Variants in RNF19B observed in about 807,000 individuals in gnomAD.
The protein encoded by RNF19B is ring finger protein 19B.
Under a neutral mutation model 65.5 loss-of-function variants are expected in RNF19B, and 23 were observed. The ratio of observed to expected loss-of-function variants is 0.35; its 90% CI spans 0.25 to 0.50. The LOEUF is 0.50. Among genes scored for constraint, RNF19B ranks in the 20% least tolerant of loss-of-function variants. RNF19B has a pLI of 0.98. For missense variants in RNF19B, 794 were observed against 980.0 expected (o/e 0.81, Z 2.53); for synonymous variants, 372 against 379.6 (o/e 0.98, Z 0.23).
At chr1:32,931,706 T>C (rs965966230), downstream of RNF19B, among the ~76,000 whole-genome samples, 12 of 152,248 alleles carry the variant, frequency 7.9e-5, no homozygotes, top group Admixed American at 3.9e-4. Flanking sequence ...GTCTCTCCCA[T>C]ACTATGCCTT....
At chr1:32,939,670 T>C (rs1263834082) in intron 7 of RNF19B, among the ~76,000 whole-genome samples, 3 of 152,204 alleles carry the variant, frequency 2.0e-5, no homozygotes, top group Non-Finnish European at 2.9e-5. Context: ...CAGCAAACTT[T>C]CCCAATAGTG....
intron 1 of RNF19B, among the ~76,000 whole-genome samples, chr1:32,963,405 C>A (rs988905437): frequency 6.6e-6 from 1 of 152,118 alleles, no homozygotes; most frequent in East Asian, 1.9e-4. Flanking sequence ...ATCCCCTCCC[C>A]ACTCTCATTA....
chr1:32,947,980 G>T (rs139209582), intron 3 of RNF19B, among the ~76,000 whole-genome samples: 71 of 152,214 alleles, frequency 4.7e-4, no homozygotes, highest in African/African-American at 1.7e-3. Context: ...ACATGAACAA[G>T]TATGGAGGCA....
chr1:32,964,333 T>A lies in RNF19B; in HGVS notation c.353A>T (p.Glu118Val). 1 of 1,455,782 alleles carries A rather than the reference T, an allele frequency of 6.9e-7. No homozygotes were observed. Among genetic ancestry groups the A allele is most frequent in the Non-Finnish European group, 9.0e-7 (1 of 1,108,890 alleles). 90.2% of individuals were successfully genotyped at this position (1,455,782 alleles called of 1,614,324 possible). A position where few individuals can be genotyped will look rare whatever the true frequency, so the allele number is the denominator to read the frequency against. Residue 118 changes from glutamate (E) to valine (V), a missense_variant, in exon 1 of 9, where the codon GAG (glutamate) becomes GTG (valine). Physicochemically the swap from Glu to Val is moderately radical, Grantham distance 121. Around this residue, in one of 3 missense-constraint regions of RNF19B, gnomAD observed 374 missense variants for 423.8 expected, o/e 0.88. Coordinates refer to ENST00000235150, the MANE Select transcript of RNF19B (RefSeq NM_001300826.2). The surrounding 1 kb of genome is among the most constrained non-coding windows in gnomAD (Gnocchi z 6.5). The part of the protein sequence containing the change: ...EGGGPGAEEV[E>V]CPLCLVRLPP... ...CAGCCGCACCAGGCACAGCGGACAC[T>A]CCACCTCCTCCGCGCCCGGGCCACC...
rs776336557 is a variant in RNF19B, at chr1:32,936,972, G to A, written c.2030C>T (p.Pro677Leu). The A allele has an allele frequency of 3.1e-6, 5 of 1,614,120 alleles. No homozygotes were observed. In the South Asian group the frequency reaches 5.5e-5, roughly 18 times the overall value. The part of the protein sequence containing the change: ...ESSDAQSDDV[P>L]DITSDECGSP... Reference sequence around the variant, plus strand: ...GCCACACTCATCTGAGGTGATGTCTGGCACATCGTCTGACTGTGCATCAGA... The same window carrying A: ...GCCACACTCATCTGAGGTGATGTCTAGCACATCGTCTGACTGTGCATCAGA... The change falls in exon 9 of 9, where the codon CCA becomes CTA. Residue 677 changes from proline to leucine, a missense_variant. This residue lies in a region of RNF19B where 368 missense variants were observed against 447.3 expected (regional missense o/e 0.82). Transcript: ENST00000235150.
chr1:32,946,030 AT>A (rs1192672355), intron 4 of RNF19B, among the ~76,000 whole-genome samples: 1 of 151,844 alleles, frequency 6.6e-6, no homozygotes, highest in Non-Finnish European at 1.5e-5. Flanking sequence ...TACCCAGCTA[AT>A]TTTTCTATTT....
chr1:32,940,395 T>C lies in RNF19B; in HGVS notation c.1610+1857A>G, dbSNP rs139977077. 5.0e-3 allele frequency among the ~76,000 whole-genome samples: 763 copies of C among 152,176 alleles called. 2 individuals carry two copies. The highest frequency in any genetic ancestry group is 5.8e-3 in the Non-Finnish European group (394 of 67,996). Reference sequence around the variant, plus strand: ...GATTGACAGGCACTCAGGTGGGAGATCCAGTCCACCTGCCATCTGTTGCTT... The same window carrying C: ...GATTGACAGGCACTCAGGTGGGAGACCCAGTCCACCTGCCATCTGTTGCTT... On this transcript the variant is annotated intron_variant, in intron 7 of 8. Transcript: ENST00000235150.
chr1:32,963,393 A>T (rs1305778786), intron 1 of RNF19B, among the ~76,000 whole-genome samples: 5 of 151,832 alleles, frequency 3.3e-5, no homozygotes, highest in African/African-American at 4.8e-5. Flanking sequence ...CCTTGGCCAA[A>T]TATCCCCTCC....
chr1:32,935,876 T>G (rs1030397858), downstream of RNF19B, among the ~76,000 whole-genome samples: 1 of 151,822 alleles, frequency 6.6e-6, no homozygotes, highest in Non-Finnish European at 1.5e-5. Context: ...GCCCCCTGAG[T>G]AGCTGGGATT....
At chr1:32,935,334 T>TCA (rs1408442390), downstream of RNF19B, among the ~76,000 whole-genome samples, 1 of 151,866 alleles carries the variant, frequency 6.6e-6, no homozygotes, top group Non-Finnish European at 1.5e-5. Flanking sequence ...AACGGGGGTT[T>TCA]CACCATGTTG....
intron 4 of RNF19B, among the ~76,000 whole-genome samples, chr1:32,946,057 G>A (rs187638046): frequency 1.3e-5 from 2 of 152,024 alleles, no homozygotes; most frequent in African/African-American, 4.8e-5. Context: ...GGTACAGATG[G>A]GTTTTGTCAT....
intron 1 of RNF19B, among the ~76,000 whole-genome samples, chr1:32,951,631 A>C (rs911457894): frequency 6.6e-6 from 1 of 152,218 alleles, no homozygotes; most frequent in African/African-American, 2.4e-5. Context: ...CTAAAGACTT[A>C]TGATCAGCAT....
At chr1:32,931,929 T>A (rs1055275914), downstream of RNF19B, among the ~76,000 whole-genome samples, 3 of 152,198 alleles carry the variant, frequency 2.0e-5, no homozygotes, top group Non-Finnish European at 4.4e-5. Context: ...GGTGACTAGA[T>A]CTACATTTCA....
chr1:32,949,315 G>C (rs1208225757), intron 2 of RNF19B, among the ~76,000 whole-genome samples: 1 of 152,138 alleles, frequency 6.6e-6, no homozygotes, highest in Non-Finnish European at 1.5e-5. Context: ...TCCAATCTGA[G>C]ACATATTACT....
At chr1:32,939,942 G>A (rs1398625170) in intron 7 of RNF19B, among the ~76,000 whole-genome samples, 5 of 152,168 alleles carry the variant, frequency 3.3e-5, no homozygotes, top group African/African-American at 4.8e-5. Context: ...ATGTGGGGGC[G>A]GGATCCCCTG....
At position 32,964,369 on chromosome 1, in the gene RNF19B, GCCT is replaced by G. The variant is rs1002510781; in HGVS notation, c.314_316del (p.Glu105del). The G allele has an allele frequency of 7.1e-6, 10 of 1,401,946 alleles. No individual in the cohort carries two copies. In the African/African-American group the frequency reaches 9.0e-5, roughly 13 times the overall value. The allele number at this position is 1,401,946 out of a possible 1,614,324, so 86.8% of individuals were successfully genotyped here. A position where few individuals can be genotyped will look rare whatever the true frequency, so the allele number is the denominator to read the frequency against. ...CGCGCCCGGGCCACCGCCCTCCGCC[GCCT>G]CCTCATCGTCGAACCCAGGCTCCGC... On this transcript the variant is annotated inframe_deletion, in exon 1 of 9. Transcript: ENST00000235150. This position sits in a 1 kb window ranked among gnomAD's most constrained non-coding sequence, Gnocchi z 6.5.
At chr1:32,948,716 G>T (rs1056671089) in intron 2 of RNF19B, among the ~76,000 whole-genome samples, 4 of 152,126 alleles carry the variant, frequency 2.6e-5, no homozygotes, top group African/African-American at 9.7e-5. Flanking sequence ...GAATCCTACA[G>T]AAAGAATAGC....
chr1:32,956,667 T>C (rs1642646414), intron 1 of RNF19B, among the ~76,000 whole-genome samples: 2 of 152,238 alleles, frequency 1.3e-5, no homozygotes, highest in Non-Finnish European at 2.9e-5. Context: ...ACTCATTTTA[T>C]TAATTTCCTA....
rs2124206645 is a variant in RNF19B, at chr1:32,964,804, G to A, written c.-119C>T. The A allele has an allele frequency of 2.0e-6, 2 of 1,001,434 alleles. No homozygotes were observed. The highest frequency in any genetic ancestry group is 1.3e-6 in the Non-Finnish European group (1 of 762,022). 62.0% of individuals were successfully genotyped at this position (1,001,434 alleles called of 1,614,324 possible). ...CCACCACCGCCTCAACCGCCCTCCC[G>A]GCGATAGAAGCCGAGCGGCAACGAC... On this transcript the variant is annotated 5_prime_UTR_variant, in exon 1 of 9. Transcript: ENST00000235150. The surrounding 1 kb of genome is among the most constrained non-coding windows in gnomAD (Gnocchi z 6.5).
Sources: allele counts gnomAD v4.1 joint callset (sites outside exome capture counted in the v4.1 genomes callset), GRCh38; gene constraint gnomAD v4.1.1; regional missense constraint gnomAD v4.1.1; non-coding constraint Gnocchi (gnomAD v3.1); transcripts MANE v1.5; gene names NCBI Gene and HGNC (gene_info 2026-07-23, HGNC 2026-07-21).